The following ANAPC10 variants were observed in gnomAD, a reference collection of about 807,000 sequenced individuals.
The protein encoded by ANAPC10 is anaphase-promoting complex subunit 10.
Under a neutral mutation model 22.0 loss-of-function variants are expected in ANAPC10, and 12 were observed. The observed-to-expected ratio is 0.55, with a 90% CI of 0.35 to 0.88. ANAPC10 has a LOEUF of 0.88. ANAPC10 is among the 40% of genes least tolerant of loss of function. The pLI is 0.01. For missense variants in ANAPC10, 188 were observed against 220.9 expected (o/e 0.85, Z 0.94); for synonymous variants, 65 against 69.5 (o/e 0.94, Z 0.32).
intron 3 of ANAPC10, among the ~76,000 whole-genome samples, chr4:145,073,916 G>A (rs1227835995): frequency 1.3e-5 from 2 of 151,698 alleles, no homozygotes; most frequent in Non-Finnish European, 2.9e-5. Flanking sequence ...TCAAACAAAA[G>A]CACAAATTTT....
intron 4 of ANAPC10, among the ~76,000 whole-genome samples, chr4:145,030,167 C>T (rs990202366): frequency 6.6e-6 from 1 of 152,152 alleles, no homozygotes; most frequent in Non-Finnish European, 1.5e-5. Context: ...AAGCCTACTG[C>T]ATTCCTACTT....
chr4:145,001,564 T>C lies in ANAPC10; in HGVS notation c.328-5961A>G, dbSNP rs34167747. Among the ~76,000 whole-genome samples, 374 of 152,302 alleles carry C rather than the reference T, an allele frequency of 2.5e-3. 4 individuals carry two copies. The highest frequency in any genetic ancestry group is 0.011 in the South Asian group (53 of 4,824). On this transcript the variant is annotated intron_variant, in intron 4 of 4. Transcript: ENST00000507656. ...TTAAATACTGTAAGATTAAATACTA[T>C]TGTACTAACATTAGGAGAAGTTATG...
chr4:145,024,841 TCTC>T (rs1736435023), intron 4 of ANAPC10, among the ~76,000 whole-genome samples: 2 of 152,310 alleles, frequency 1.3e-5, no homozygotes, highest in African/African-American at 4.8e-5. Context: ...GGCATTGACT[TCTC>T]CTCTCTAGCT....
chr4:145,010,877 T>TG (rs1005656018), intron 4 of ANAPC10, among the ~76,000 whole-genome samples: 5 of 151,684 alleles, frequency 3.3e-5, no homozygotes, highest in African/African-American at 1.2e-4. Context: ...GAGAGGTATA[T>TG]GGGGAAAAAA....
chr4:145,015,238 G>C (rs1335824877), intron 4 of ANAPC10, among the ~76,000 whole-genome samples: 2 of 151,858 alleles, frequency 1.3e-5, no homozygotes, highest in Admixed American at 6.6e-5. Flanking sequence ...ATAGCATAAA[G>C]AAAAAACAAT....
At chr4:145,062,780 T>C (rs1023350445) in intron 4 of ANAPC10, among the ~76,000 whole-genome samples, 5 of 152,106 alleles carry the variant, frequency 3.3e-5, no homozygotes, top group Non-Finnish European at 7.4e-5. Flanking sequence ...TATTCATCAA[T>C]GAATGGGTAA....
At chr4:145,014,245 G>T (rs1209056552) in intron 4 of ANAPC10, among the ~76,000 whole-genome samples, 3 of 152,036 alleles carry the variant, frequency 2.0e-5, no homozygotes, top group East Asian at 1.9e-4. Flanking sequence ...TGCTGTTGGT[G>T]GGGGGCACAG....
intron 4 of ANAPC10, among the ~76,000 whole-genome samples, chr4:145,040,709 A>G (rs957896229): frequency 1.3e-5 from 2 of 152,210 alleles, no homozygotes; most frequent in African/African-American, 4.8e-5. Context: ...AATCCTGAAC[A>G]TCACCGAAGT....
intron 4 of ANAPC10, among the ~76,000 whole-genome samples, chr4:145,015,663 G>C (rs570940726): frequency 1.3e-5 from 2 of 152,168 alleles, no homozygotes; most frequent in Non-Finnish European, 1.5e-5. Flanking sequence ...TAAGACAAAG[G>C]AAAGAATCTT....
At chr4:145,019,437 A>T (rs982044816) in intron 4 of ANAPC10, among the ~76,000 whole-genome samples, 2 of 152,182 alleles carry the variant, frequency 1.3e-5, no homozygotes, top group African/African-American at 2.4e-5. Flanking sequence ...TGTGGGATAC[A>T]GCAAAGGTGG....
At chr4:145,005,826 G>A (rs1343342166) in intron 4 of ANAPC10, among the ~76,000 whole-genome samples, 1 of 150,708 alleles carries the variant, frequency 6.6e-6, no homozygotes, top group Non-Finnish European at 1.5e-5. Context: ...TAAGGACATG[G>A]TTTGTATAAT....
intron 2 of ANAPC10, among the ~76,000 whole-genome samples, chr4:145,087,958 G>A (rs1747137442): frequency 6.6e-6 from 1 of 152,120 alleles, no homozygotes; most frequent in South Asian, 2.1e-4. Context: ...TAAGGCAGGA[G>A]AATCACTTGA....
At chr4:145,013,567 C>T (rs1475018445) in intron 4 of ANAPC10, among the ~76,000 whole-genome samples, 1 of 152,152 alleles carries the variant, frequency 6.6e-6, no homozygotes, top group African/African-American at 2.4e-5. Flanking sequence ...TCAGAGACTT[C>T]ATCATGGTGG....
chr4:145,000,537 G>C (rs1292013090), intron 4 of ANAPC10, among the ~76,000 whole-genome samples: 1 of 152,172 alleles, frequency 6.6e-6, no homozygotes, highest in African/African-American at 2.4e-5. Flanking sequence ...TCATTAAAAA[G>C]TCAGGAAACA....
chr4:145,097,207 G>A (rs33918844), intron 1 of ANAPC10: 72,025 of 330,480 alleles, frequency 0.22, 10,368 homozygotes, highest in African/African-American at 0.45. Flanking sequence ...GTCCCAAAAA[G>A]CACAAAAATA....
intron 4 of ANAPC10, among the ~76,000 whole-genome samples, chr4:145,058,307 C>A (rs1187453958): frequency 6.6e-6 from 1 of 152,126 alleles, no homozygotes; most frequent in Non-Finnish European, 1.5e-5. Context: ...TGCTAGAATG[C>A]CTCCACTTGA....
intron 2 of ANAPC10, among the ~76,000 whole-genome samples, chr4:145,084,115 C>T (rs893453030): frequency 1.3e-5 from 2 of 152,176 alleles, no homozygotes; most frequent in Non-Finnish European, 2.9e-5. Flanking sequence ...GAACCACAGG[C>T]ATGTGCCACC....
At chr4:145,028,135 C>T (rs1737024986) in intron 4 of ANAPC10, among the ~76,000 whole-genome samples, 1 of 152,106 alleles carries the variant, frequency 6.6e-6, no homozygotes, top group African/African-American at 2.4e-5. Flanking sequence ...TTGGGGGATA[C>T]AAAGTATTAA....
chr4:145,054,640 TGC>T lies in ANAPC10; in HGVS notation c.327+9930_327+9931del, dbSNP rs1158824604. On this transcript the variant is annotated intron_variant, in intron 4 of 4. Coordinates refer to ENST00000507656, the MANE Select transcript of ANAPC10 (RefSeq NM_001256706.2). Reference sequence around the variant, plus strand: ...GTGTGTGTGTGTGTGTGTGTGTGTGTGCGCGCGCGCGCGCGTGCGTGCAGCGC... The same window carrying T: ...GTGTGTGTGTGTGTGTGTGTGTGTGTGCGCGCGCGCGCGTGCGTGCAGCGC... Among the ~76,000 whole-genome samples the T allele has an allele frequency of 4.5e-3, 407 of 90,292 alleles. 5 individuals are homozygous for T. The highest frequency in any genetic ancestry group is 0.032 in the Middle Eastern group (5 of 158). The allele number at this position is 90,292 out of a possible 152,430, so 59.2% of individuals were successfully genotyped here. A position where few individuals can be genotyped will look rare whatever the true frequency, so the allele number is the denominator to read the frequency against.
Sources: allele counts gnomAD v4.1 joint callset (sites outside exome capture counted in the v4.1 genomes callset), GRCh38; gene constraint gnomAD v4.1.1; transcripts MANE v1.5; gene names NCBI Gene and HGNC (gene_info 2026-07-23, HGNC 2026-07-21).